Variants in COG4 observed in about 807,000 individuals in gnomAD.
COG4 encodes conserved oligomeric Golgi complex subunit 4.
Under a neutral mutation model 95.1 loss-of-function variants are expected in COG4, and 65 were observed. The observed-to-expected ratio is 0.68, with a 90% CI of 0.56 to 0.84. The LOEUF (loss-of-function observed/expected upper bound fraction) is 0.84. COG4 is among the 40% of genes least tolerant of loss of function. The pLI, the probability that COG4 is intolerant of heterozygous loss-of-function variation, is 0.00. For synonymous variants in COG4, 421 were observed against 374.8 expected, an observed-to-expected ratio of 1.12 and a Z score of -1.42; for missense variants, 1,045 against 989.1, an observed-to-expected ratio of 1.06 and a Z score of -0.76.
chr16:70,512,154 A>G (rs1005930866), intron 5 of COG4, 85 bp downstream of exon 5: 1 of 1,253,820 alleles, frequency 8.0e-7, no homozygotes, highest in East Asian at 2.3e-5. Flanking sequence ...GAGAGAAAGT[A>G]TCCACAGAAA....
chr16:70,517,778 G>C lies in COG4; in HGVS notation c.255-38C>G, dbSNP rs770684885. On this transcript the variant is annotated intron_variant, in intron 2 of 18. Transcript: ENST00000323786. ...ATTGTTAGCATACACATAACGATAG[G>C]GCAGAGAAGAGACAGAAACTTTTTT... 3 of 1,422,294 alleles carry C rather than the reference G, an allele frequency of 2.1e-6. No individual in the cohort carries two copies. In the South Asian group the frequency reaches 3.4e-5, roughly 16 times the overall value. 88.1% of individuals were successfully genotyped at this position (1,422,294 alleles called of 1,614,324 possible). A position where few individuals can be genotyped will look rare whatever the true frequency, so the allele number is the denominator to read the frequency against.
At chr16:70,522,743 G>C (rs1466358252) in intron 1 of COG4, among the ~76,000 whole-genome samples, 1 of 152,154 alleles carries the variant, frequency 6.6e-6, no homozygotes, top group Non-Finnish European at 1.5e-5. Flanking sequence ...GCAGGAAATA[G>C]AACGTTATGA....
chr16:70,519,780 T>A, intron 1 of COG4, 49 bp from the exon 2 acceptor site: 1 of 1,388,258 alleles, frequency 7.2e-7, no homozygotes, highest in Non-Finnish European at 1.0e-6. Context: ...GAAGGAACCT[T>A]AAGAGTTATC....
In COG4 at chr16:70,481,773, G is replaced by T. The variant is rs768589840; in HGVS notation, c.2097C>A (p.Thr699=). 6.2e-6 allele frequency: 10 copies of T among 1,613,780 alleles called. No homozygotes were observed. Among genetic ancestry groups the T allele is most frequent in the Non-Finnish European group, 8.5e-6 (10 of 1,179,874 alleles). The change falls in exon 17 of 19, where the codon ACC becomes ACA. Residue 699 remains threonine (T), a synonymous_variant. Coordinates refer to ENST00000323786, the MANE Select transcript of COG4 (RefSeq NM_015386.3). ...GACCCCTTTACCTTACCCGGTTAAA[G>T]GTGGATTTCAGCACCACTTTCTCCA... ...VELEKVVLKS[T]FNRLGGLQFD... is the part of the protein sequence containing the mutation.
Position 70,523,454 on chromosome 16 carries a change from G to A in COG4, c.90C>T (p.Ser30=). The A allele has an allele frequency of 6.2e-7, 1 of 1,614,058 alleles. No homozygotes were observed. Among genetic ancestry groups the A allele is most frequent in the South Asian group, 1.1e-5 (1 of 91,084 alleles). Residue 30 remains serine, a synonymous_variant, in exon 1 of 19, where the codon TCC becomes TCT. Coordinates refer to ENST00000323786, the MANE Select transcript of COG4 (RefSeq NM_015386.3). The part of the protein sequence containing the change: ...PSEGVGGGRC[S]EISAELIRSL... ...AGCGAATGAGCTCAGCGGAGATTTC[G>A]GAGCAGCGGCCACCTCCCACCCCCT...
chr16:70,490,497 G>C (rs576084598), intron 12 of COG4, 105 bp from the exon 13 acceptor site: 3 of 908,332 alleles, frequency 3.3e-6, no homozygotes, highest in Admixed American at 1.7e-5. Flanking sequence ...TCAGAGAAGG[G>C]CTGGCTGGAG....
intron 2 of COG4, 57 bp from the exon 3 acceptor site, chr16:70,517,797 CT>C (rs1567398007): frequency 5.0e-5 from 58 of 1,156,968 alleles, no homozygotes; most frequent in Non-Finnish European, 6.2e-5. Flanking sequence ...GAGACAGAAA[CT>C]TTTTTTTGCA....
chr16:70,509,425 A>G, intron 6 of COG4, 37 bp from the exon 7 acceptor site: 1 of 1,612,426 alleles, frequency 6.2e-7, no homozygotes, highest in Non-Finnish European at 8.5e-7. Context: ...TATTCCAAGT[A>G]TTCTTCCTAC....
At chr16:70,507,336 T>C (rs1224399627) in intron 8 of COG4, among the ~76,000 whole-genome samples, 1 of 152,186 alleles carries the variant, frequency 6.6e-6, no homozygotes, top group Admixed American at 6.5e-5. Context: ...TCTATGTTTC[T>C]ATGGTACAGT....
intron 12 of COG4, among the ~76,000 whole-genome samples, chr16:70,493,580 C>T (rs1284710775): frequency 1.3e-5 from 2 of 152,022 alleles, no homozygotes; most frequent in African/African-American, 4.8e-5. Context: ...ATAATATAAG[C>T]AAGTGCAGAA....
At chr16:70,489,543 G>GT (rs371131071) in intron 13 of COG4, among the ~76,000 whole-genome samples, 633 of 137,782 alleles carry the variant, frequency 4.6e-3, no homozygotes, top group East Asian at 0.011. Context: ...AAAAAAAAAA[G>GT]TTTTTTTTTT....
At chr16:70,501,146 G>C (rs1312670089) in intron 8 of COG4, 55 bp from the exon 9 acceptor site, 1 of 1,594,916 alleles carries the variant, frequency 6.3e-7, no homozygotes, top group Non-Finnish European at 8.5e-7. Context: ...TTAGACACAA[G>C]AGCTACAGGG....
chr16:70,497,059 C>T (rs1270457551), intron 11 of COG4, among the ~76,000 whole-genome samples, 162 bp downstream of exon 11: 1 of 152,110 alleles, frequency 6.6e-6, no homozygotes, highest in Non-Finnish European at 1.5e-5. Flanking sequence ...TATGGCTGAC[C>T]AACAGCTTCC....
intron 8 of COG4, 86 bp downstream of exon 8, chr16:70,508,320 C>T: frequency 1.8e-6 from 2 of 1,110,878 alleles, no homozygotes; most frequent in South Asian, 2.5e-5. Context: ...AAAACATAGA[C>T]CACATTGTAA....
chr16:70,483,080 TCCCTCTTTTCTCCCTACCCCA>T (rs2049041105), intron 14 of COG4, among the ~76,000 whole-genome samples: 1 of 38,460 alleles, frequency 2.6e-5, no homozygotes, highest in Non-Finnish European at 4.6e-5. Context: ...CCCCACCCCA[TCCCTCTTTTCTCCCTACCCCA>T]TCCCTCTCTC....
Position 70,512,296 on chromosome 16 carries a change from T to G in COG4, c.681A>C (p.Pro227=). The G allele has an allele frequency of 1.9e-6, 3 of 1,614,076 alleles. No homozygotes were observed. The highest frequency in any genetic ancestry group is 2.5e-6 in the Non-Finnish European group (3 of 1,179,992). The change falls in exon 5 of 19, where the codon CCA becomes CCC. Residue 227 remains proline, a synonymous_variant. Transcript: ENST00000323786. ...PQVERFFKIF[P]LLGLHEEGLR... ...ATCCCTCCTCATGCAAACCCAGCAGTGGGAAGATCTTGAAGAAGCGCTCCA... is the reference window on the plus strand; with the variant it reads ...ATCCCTCCTCATGCAAACCCAGCAGGGGGAAGATCTTGAAGAAGCGCTCCA...
In COG4 at chr16:70,481,396, C is replaced by T. The variant is rs141625180; in HGVS notation, c.2198G>A (p.Arg733Gln). The T allele has an allele frequency of 8.0e-5, 129 of 1,613,288 alleles. 1 individual carries two copies. Among genetic ancestry groups the T allele is most frequent in the Non-Finnish European group, 9.6e-5 (113 of 1,179,982 alleles). ...TTWTIRDKFA[R>Q]LSQMATILNL... is the part of the protein sequence containing the mutation. ...GAGGATGGTGGCCATCTGGGAGAGC[C>T]GGGCAAACTTGTCTCGGATGGTCCA... The change falls in exon 18 of 19, where the codon CGG becomes CAG. Residue 733 changes from arginine (R) to glutamine (Q), a missense_variant. Transcript: ENST00000323786.
chr16:70,505,875 G>A (rs917501421), intron 8 of COG4, among the ~76,000 whole-genome samples: 1 of 151,988 alleles, frequency 6.6e-6, no homozygotes, highest in African/African-American at 2.4e-5. Flanking sequence ...CTGGATACAG[G>A]GGCTCATGCC....
intron 13 of COG4, among the ~76,000 whole-genome samples, chr16:70,485,169 A>G (rs2049101284): frequency 6.6e-6 from 1 of 151,576 alleles, no homozygotes; most frequent in Admixed American, 6.6e-5. Context: ...CAGGAGTTCA[A>G]GACCAGCCTG....
Sources: allele counts gnomAD v4.1 joint callset (sites outside exome capture counted in the v4.1 genomes callset), GRCh38; gene constraint gnomAD v4.1.1; transcripts MANE v1.5; gene names NCBI Gene and HGNC (gene_info 2026-07-23, HGNC 2026-07-21).